The following NOSTRIN variants were observed in gnomAD, a reference collection of about 807,000 sequenced individuals.
NOSTRIN encodes the protein nitric oxide synthase trafficking.
Under a neutral mutation model 59.0 loss-of-function variants are expected in NOSTRIN, and 63 were observed. The observed-to-expected ratio is 1.07, with a 90% CI of 0.87 to 1.32. The LOEUF is 1.32. NOSTRIN is among the 40% of genes most tolerant of loss of function. The probability of loss-of-function intolerance (pLI) is 0.00; values close to 1 mark genes in which losing one functional copy is unlikely to be tolerated. For missense variants in NOSTRIN, 512 were observed against 473.1 expected, an observed-to-expected ratio of 1.08 and a Z score of -0.76; for synonymous variants, 200 against 165.4, an observed-to-expected ratio of 1.21 and a Z score of -1.61.
upstream of NOSTRIN, among the ~76,000 whole-genome samples, chr2:168,801,745 A>C (rs1453329498): frequency 6.6e-6 from 1 of 152,220 alleles, no homozygotes; most frequent in Admixed American, 6.5e-5. Context: ...CATTCATTGG[A>C]AATCTAATGA....
chr2:168,822,351 A>G (rs1184719935), intron 2 of NOSTRIN, among the ~76,000 whole-genome samples: 1 of 152,216 alleles, frequency 6.6e-6, no homozygotes, highest in Non-Finnish European at 1.5e-5. Context: ...CTAAGAGAAA[A>G]AAAAAATGAA....
intron 10 of NOSTRIN, among the ~76,000 whole-genome samples, chr2:168,854,589 A>G (rs1170544983): frequency 6.6e-6 from 1 of 151,860 alleles, no homozygotes; most frequent in African/African-American, 2.4e-5. Flanking sequence ...TCCCTGAACA[A>G]TTTTTTCTTC....
chr2:168,843,988 G>A (rs942984167), intron 8 of NOSTRIN, among the ~76,000 whole-genome samples: 9 of 152,162 alleles, frequency 5.9e-5, no homozygotes, highest in Non-Finnish European at 8.8e-5. Context: ...AAATATGCTC[G>A]CATTTGGAAA....
chr2:168,818,487 A>C (rs1686542152), intron 2 of NOSTRIN, among the ~76,000 whole-genome samples: 1 of 152,182 alleles, frequency 6.6e-6, no homozygotes, highest in Admixed American at 6.5e-5. Flanking sequence ...CCTCATAGAC[A>C]CAGGGGGCAA....
At chr2:168,863,062 C>T (rs1689570868) in intron 15 of NOSTRIN, among the ~76,000 whole-genome samples, 1 of 152,110 alleles carries the variant, frequency 6.6e-6, no homozygotes, top group Non-Finnish European at 1.5e-5. Flanking sequence ...ACCTAGAACC[C>T]ATGGATGCAG....
At chr2:168,863,725 T>C (rs988526120) in intron 15 of NOSTRIN, 27 of 893,528 alleles carry the variant, frequency 3.0e-5, no homozygotes, top group Non-Finnish European at 3.6e-5. Flanking sequence ...AGACATTGTC[T>C]TGATCTTAAG....
intron 12 of NOSTRIN, among the ~76,000 whole-genome samples, chr2:168,858,025 C>T (rs147625328): frequency 1.1e-3 from 173 of 152,326 alleles, no homozygotes; most frequent in Admixed American, 2.0e-3. Flanking sequence ...CCCGTGGCTA[C>T]AGTTTTTATG....
intron 2 of NOSTRIN, among the ~76,000 whole-genome samples, chr2:168,788,415 G>T (rs1446755331): frequency 6.6e-6 from 1 of 152,178 alleles, no homozygotes; most frequent in East Asian, 1.9e-4. Flanking sequence ...TGGAATGATG[G>T]GAGCCAAATT....
upstream of NOSTRIN, among the ~76,000 whole-genome samples, chr2:168,796,829 G>T (rs935191140): frequency 2.6e-5 from 4 of 152,040 alleles, no homozygotes; most frequent in South Asian, 8.3e-4. Context: ...TTCTGTCTCA[G>T]TGTTTTGAAC....
At chr2:168,818,265 C>T (rs550918930) in intron 2 of NOSTRIN, 77 of 426,574 alleles carry the variant, frequency 1.8e-4, no homozygotes, top group African/African-American at 1.1e-3. Flanking sequence ...GAACTCCTCT[C>T]GCCTCAGCCT....
At chr2:168,790,175 T>G (rs1007190125) in intron 2 of NOSTRIN, among the ~76,000 whole-genome samples, 1 of 152,252 alleles carries the variant, frequency 6.6e-6, no homozygotes, top group Non-Finnish European at 1.5e-5. Flanking sequence ...TATGATTGAT[T>G]GTCTTTTGTA....
intron 2 of NOSTRIN, among the ~76,000 whole-genome samples, chr2:168,820,616 A>G (rs955007931): frequency 6.6e-6 from 1 of 151,804 alleles, no homozygotes; most frequent in African/African-American, 2.4e-5. Context: ...AAGACTCCCA[A>G]CACAAGAAGT....
chr2:168,805,667 T>C (rs1395413439), intron 1 of NOSTRIN, among the ~76,000 whole-genome samples: 1 of 152,088 alleles, frequency 6.6e-6, no homozygotes, highest in Non-Finnish European at 1.5e-5. Flanking sequence ...CGCCACACAG[T>C]CAGCCCCTCC....
Position 168,864,904 on chromosome 2 carries a change from C to T in NOSTRIN, c.1455C>T (p.Gly485=), listed in dbSNP as rs770528233. 6.2e-7 allele frequency: 1 copy of T among 1,613,970 alleles called. No homozygotes were observed. The highest frequency in any genetic ancestry group is 1.1e-5 in the South Asian group (1 of 91,074). ...WWFGSLNGKK[G]HFPAAYVEEL... Reference sequence around the variant, plus strand: ...TTGGATCTTTGAATGGGAAAAAAGGCCATTTTCCTGCCGCTTATGTGGAGG... The same window carrying T: ...TTGGATCTTTGAATGGGAAAAAAGGTCATTTTCCTGCCGCTTATGTGGAGG... Residue 485 remains glycine (G), a synonymous_variant, in exon 16 of 16, where the codon GGC becomes GGT. Transcript: ENST00000317647.
chr2:168,789,775 T>G (rs1480817918), intron 2 of NOSTRIN, among the ~76,000 whole-genome samples: 1 of 152,180 alleles, frequency 6.6e-6, no homozygotes, highest in Non-Finnish European at 1.5e-5. Context: ...CTGAAACTGC[T>G]TAAAGTAGCT....
Position 168,841,873 on chromosome 2 carries a change from G to A in NOSTRIN, c.505-1119G>A, listed in dbSNP as rs564115856. Among the ~76,000 whole-genome samples, 24 of 152,262 alleles carry A rather than the reference G, an allele frequency of 1.6e-4. No individual in the cohort carries two copies. The South Asian group carries it at 5.0e-3, about 32-fold the overall frequency. The stretch of plus-strand genomic sequence containing the variant: ...TTTATGCTTAGGTTTAACAAAATAC[G>A]GACATCCATGTACAAATATTATGTA... On this transcript the variant is annotated intron_variant, in intron 7 of 15. Transcript: ENST00000317647.
intron 13 of NOSTRIN, 139 bp from the exon 14 acceptor site, chr2:168,860,656 G>T (rs1689377635): frequency 6.7e-6 from 4 of 598,952 alleles, no homozygotes; most frequent in Non-Finnish European, 1.2e-5. Context: ...GGGTGACAGG[G>T]CAAGACTCTG....
chr2:168,823,086 G>A (rs1686845899), intron 2 of NOSTRIN, among the ~76,000 whole-genome samples: 1 of 152,112 alleles, frequency 6.6e-6, no homozygotes, highest in Admixed American at 6.5e-5. Flanking sequence ...GCGCAATCTT[G>A]GCTCACTGCA....
intron 8 of NOSTRIN, among the ~76,000 whole-genome samples, chr2:168,847,512 A>C (rs1385930458): frequency 1.3e-5 from 2 of 152,208 alleles, no homozygotes; most frequent in African/African-American, 4.8e-5. Context: ...TATCAGTTCT[A>C]TGAGAGTCAT....
Sources: gnomAD v4.1 joint callset for allele counts (sites outside exome capture counted in the v4.1 genomes callset) on GRCh38, gnomAD v4.1.1 for gene constraint, MANE v1.5 for transcripts, NCBI Gene and HGNC (gene_info 2026-07-23, HGNC 2026-07-21) for gene names.